The following ACADM variants were observed in gnomAD, a reference collection of about 807,000 sequenced individuals.
ACADM encodes medium-chain specific acyl-CoA dehydrogenase, mitochondrial.
ACADM carries 49 observed loss-of-function variants against 58.9 expected under a neutral mutation model. That is an observed-to-expected ratio of 0.83 (90% CI 0.66 to 1.06). The LOEUF is 1.06. ACADM is among the 50% of genes least tolerant of loss of function. The pLI is 0.00. For missense variants in ACADM, 496 were observed against 507.0 expected (o/e 0.98, Z 0.21); for synonymous variants, 160 against 157.7 (o/e 1.01, Z -0.11).
Position 75,741,677 on chromosome 1 carries a change from C to T in ACADM, c.599+1567C>T, listed in dbSNP as rs528256273. ...AAGGCAAATTAGGTAATATATGAAA[C>T]CAGATAACAATTTTTACGATTTTGT... On this transcript the variant is annotated intron_variant, in intron 7 of 11. Transcript: ENST00000370841. 3.3e-5 allele frequency among the ~76,000 whole-genome samples: 5 copies of T among 152,158 alleles called. No homozygotes were observed. The East Asian group carries it at 9.6e-4, about 29-fold the overall frequency.
At chr1:75,733,411 G>A in intron 4 of ACADM, 117 bp from the exon 5 acceptor site, 2 of 1,097,978 alleles carry the variant, frequency 1.8e-6, no homozygotes, top group Non-Finnish European at 1.4e-6. Flanking sequence ...ATATTATATT[G>A]CAAATTTCCT....
Position 75,732,938 on chromosome 1 carries a change from A to G in ACADM, c.286+16A>G, listed in dbSNP as rs751365301. ...GAGAACTGTGGTAAGCTTTCTTTAT[A>G]TTTTTAATACTGGAATGCATATGAG... is the stretch of plus-strand genomic sequence containing the variant. On this transcript the variant is annotated intron_variant, in intron 4 of 11. Coordinates refer to ENST00000370841, the MANE Select transcript of ACADM (RefSeq NM_000016.6). 1 of 1,613,548 alleles carries G rather than the reference A, an allele frequency of 6.2e-7. No individual in the cohort carries two copies. The highest frequency in any genetic ancestry group is 1.7e-5 in the Admixed American group (1 of 60,000).
Position 75,750,500 on chromosome 1 carries a change from C to G in ACADM, c.899C>G (p.Thr300Ser), listed in dbSNP as rs1184370626. 1 of 1,612,446 alleles carries G rather than the reference C, an allele frequency of 6.2e-7. No homozygotes were observed. The highest frequency in any genetic ancestry group is 1.3e-5 in the African/African-American group (1 of 74,860). ...GLAQRALDEATKYALERKTFG... is the reference protein window; with the variant it reads ...GLAQRALDEASKYALERKTFG... ...GCACAAAGAGCTTTGGATGAAGCTA[C>G]CAAGTATGCCCTGGAAAGGAAAACT... Residue 300 changes from threonine (T) to serine (S), a missense_variant, in exon 10 of 12, where the codon ACC (threonine) becomes AGC (serine). Transcript: ENST00000370841.
chr1:75,734,015 TCA>T (rs1408577209), intron 5 of ACADM, among the ~76,000 whole-genome samples: 2 of 152,174 alleles, frequency 1.3e-5, no homozygotes, highest in African/African-American at 4.8e-5. Context: ...CTTTTTTTTC[TCA>T]CTCTGTCGCC....
Position 75,739,971 on chromosome 1 carries a change from A to G in ACADM, c.469-9A>G, listed in dbSNP as rs181322317. On this transcript the variant is annotated splice_polypyrimidine_tract_variant and intron_variant, in intron 6 of 11. Coordinates refer to ENST00000370841, the MANE Select transcript of ACADM (RefSeq NM_000016.6). ...TTAATTTCATTTCTCTTGTTTTTATATATTCAAGGCTTATTGTGTAACAGA... is the reference window on the plus strand; with the variant it reads ...TTAATTTCATTTCTCTTGTTTTTATGTATTCAAGGCTTATTGTGTAACAGA... 4.1e-4 allele frequency: 652 copies of G among 1,588,988 alleles called. 5 individuals carry two copies. In the African/African-American group the frequency reaches 7.4e-3, roughly 18 times the overall value.
In ACADM at chr1:75,749,446, G is replaced by C; in HGVS notation, c.736G>C (p.Asp246His). 6.2e-7 allele frequency: 1 copy of C among 1,614,036 alleles called. No homozygotes were observed. Among genetic ancestry groups the C allele is most frequent in the Non-Finnish European group, 8.5e-7 (1 of 1,179,954 alleles). Residue 246 changes from aspartate (D) to histidine (H), a missense_variant, in exon 9 of 12, where the codon GAT (aspartate) becomes CAT (histidine). Asp to His is a moderately conservative substitution (Grantham distance 81). Coordinates refer to ENST00000370841, the MANE Select transcript of ACADM (RefSeq NM_000016.6). ...ATTAAACATGGGCCAGCGATGTTCA[G>C]ATACTAGAGGAATTGTCTTCGAAGA... is the stretch of plus-strand genomic sequence containing the variant. Reference protein sequence around the residue: ...KELNMGQRCSDTRGIVFEDVK... With the variant: ...KELNMGQRCSHTRGIVFEDVK...
chr1:75,726,756 T>C lies in ACADM; in HGVS notation c.31-1645T>C, dbSNP rs1570848610. ...ACGCGACTGTAAATCAGAGTAGATT[T>C]GGTCTGTGACTGCTGGACAATAAGC... On this transcript the variant is annotated intron_variant, in intron 1 of 11. Transcript: ENST00000370841. 2.0e-5 allele frequency among the ~76,000 whole-genome samples: 3 copies of C among 151,922 alleles called. No homozygotes were observed. The East Asian group carries it at 5.8e-4, about 29-fold the overall frequency.
intron 7 of ACADM, among the ~76,000 whole-genome samples, chr1:75,742,154 C>T (rs1186634867): frequency 1.3e-5 from 2 of 151,442 alleles, no homozygotes; most frequent in African/African-American, 4.9e-5. Context: ...CCCTTCCCCC[C>T]TCCCCACCCC....
chr1:75,732,317 TA>T (rs1345825799), intron 2 of ACADM, among the ~76,000 whole-genome samples: 1 of 152,264 alleles, frequency 6.6e-6, no homozygotes, highest in Non-Finnish European at 1.5e-5. Flanking sequence ...AAACATTTGA[TA>T]AATTGGCTTA....
chr1:75,762,587 C>T (rs1051442458), intron 11 of ACADM, 105 bp from the exon 12 acceptor site: 6 of 747,118 alleles, frequency 8.0e-6, no homozygotes, highest in East Asian at 2.7e-5. Flanking sequence ...TGGTTTGATT[C>T]GGTTTTATAT....
intron 2 of ACADM, among the ~76,000 whole-genome samples, chr1:75,730,848 T>G (rs1352212548): frequency 6.6e-6 from 1 of 152,124 alleles, no homozygotes; most frequent in East Asian, 1.9e-4. Flanking sequence ...TCTATCTACC[T>G]GCAAGATTGC....
chr1:75,744,575 A>C (rs543598487), intron 7 of ACADM: 1 of 1,378,760 alleles, frequency 7.3e-7, no homozygotes, highest in Non-Finnish European at 1.0e-6. Context: ...ACCAAGTCAT[A>C]CTTGCATACA....
At chr1:75,747,089 A>C (rs1411485173) in intron 8 of ACADM, among the ~76,000 whole-genome samples, 2 of 152,236 alleles carry the variant, frequency 1.3e-5, no homozygotes, top group Non-Finnish European at 2.9e-5. Context: ...GCTTTTCCCA[A>C]GAAATTGTTT....
At chr1:75,756,452 C>T (rs936670954) in intron 10 of ACADM, among the ~76,000 whole-genome samples, 2 of 151,996 alleles carry the variant, frequency 1.3e-5, no homozygotes, top group South Asian at 2.1e-4. Flanking sequence ...GAGTGAACTC[C>T]CATTCACAAT....
At chr1:75,751,695 C>T (rs1266767744) in intron 10 of ACADM, among the ~76,000 whole-genome samples, 1 of 151,862 alleles carries the variant, frequency 6.6e-6, no homozygotes, top group Non-Finnish European at 1.5e-5. Context: ...GATGGGGTTC[C>T]CTTATGTTGG....
chr1:75,759,341 C>T (rs1041645992), intron 10 of ACADM, among the ~76,000 whole-genome samples: 5 of 152,234 alleles, frequency 3.3e-5, no homozygotes, highest in African/African-American at 4.8e-5. Flanking sequence ...AAACTCCCAA[C>T]CCTCTAATCC....
chr1:75,724,877 G>C, intron 1 of ACADM, 60 bp downstream of exon 1: 1 of 1,369,030 alleles, frequency 7.3e-7, no homozygotes, highest in Non-Finnish European at 9.5e-7. Context: ...TGTCGGAGCA[G>C]GGGGCCCTGG....
At chr1:75,754,971 C>G (rs573639792) in intron 10 of ACADM, 1 of 152,534 alleles carries the variant, frequency 6.6e-6, no homozygotes, top group South Asian at 2.1e-4. Flanking sequence ...TATCCTGCGC[C>G]TGGCTTGGAG....
chr1:75,741,512 A>T (rs1289572064), intron 7 of ACADM, among the ~76,000 whole-genome samples: 2 of 152,216 alleles, frequency 1.3e-5, no homozygotes, highest in South Asian at 4.1e-4. Context: ...CTACAATCCC[A>T]GCAGTTTTGG....
Sources: gnomAD v4.1 joint callset for allele counts (sites outside exome capture counted in the v4.1 genomes callset) on GRCh38, gnomAD v4.1.1 for gene constraint, MANE v1.5 for transcripts, NCBI Gene and HGNC (gene_info 2026-07-23, HGNC 2026-07-21) for gene names.